XKR9: variants seen among roughly 807,000 people sequenced by gnomAD.
XKR9 encodes XK related 9.
XKR9 carries 32 observed loss-of-function variants against 32.0 expected under a neutral mutation model. The observed-to-expected ratio is 1.00, with a 90% CI of 0.76 to 1.34. The LOEUF is 1.34. Ranked by LOEUF, XKR9 falls within the 40% of genes most tolerant of loss-of-function variation. XKR9 has a pLI of 0.00. For missense variants in XKR9, 546 were observed against 429.7 expected (o/e 1.27, Z -2.39); for synonymous variants, 168 against 143.4 (o/e 1.17, Z -1.22).
the XKR9 span, among the ~76,000 whole-genome samples, chr8:70,804,985 G>A: frequency 1.3e-5 from 2 of 152,316 alleles, no homozygotes; most frequent in South Asian, 2.1e-4. Context: ...GCCAATGGGT[G>A]AGGCCAAGAT....
At chr8:70,909,033 C>T in the XKR9 span, among the ~76,000 whole-genome samples, 1 of 152,148 alleles carries the variant, frequency 6.6e-6, no homozygotes, top group Non-Finnish European at 1.5e-5. Context: ...CAAATCCCTA[C>T]CACCATTTCC....
At chr8:70,780,778 TC>T (rs1199222476) in intron 2 of XKR9, 1 of 152,204 alleles carries the variant, frequency 6.6e-6, no homozygotes, top group African/African-American at 2.4e-5. Flanking sequence ...TTTATGTTTG[TC>T]TTTTTAAGGA....
chr8:70,810,816 CTT>C, the XKR9 span, among the ~76,000 whole-genome samples: 1 of 152,176 alleles, frequency 6.6e-6, no homozygotes, highest in Non-Finnish European at 1.5e-5. Context: ...TACAAAGAGA[CTT>C]AGACTTCCAC....
At chr8:70,729,499 T>G (rs944982881) in intron 4 of XKR9, among the ~76,000 whole-genome samples, 2 of 152,172 alleles carry the variant, frequency 1.3e-5, no homozygotes, top group African/African-American at 4.8e-5. Context: ...CTCTTTATTC[T>G]AATGTCATAA....
chr8:70,724,175 A>T (rs530368595), intron 4 of XKR9, among the ~76,000 whole-genome samples: 2 of 152,184 alleles, frequency 1.3e-5, no homozygotes, highest in Admixed American at 1.3e-4. Flanking sequence ...GGGCTTCCTC[A>T]ACACTGTCAG....
intron 4 of XKR9, among the ~76,000 whole-genome samples, chr8:70,727,088 A>T (rs1341794687): frequency 6.6e-6 from 1 of 152,172 alleles, no homozygotes; most frequent in African/African-American, 2.4e-5. Flanking sequence ...TTCTTTTGGG[A>T]TGGACTATAT....
the XKR9 span, among the ~76,000 whole-genome samples, chr8:70,801,482 A>G: frequency 1.7e-4 from 26 of 152,226 alleles, no homozygotes; most frequent in African/African-American, 6.0e-4. Context: ...GTTGAGTGAT[A>G]TTTTTAGCAT....
At chr8:71,026,270 A>G in the XKR9 span, among the ~76,000 whole-genome samples, 1 of 152,100 alleles carries the variant, frequency 6.6e-6, no homozygotes, top group African/African-American at 2.4e-5. Context: ...CCTGTTCCTA[A>G]TTTCCTACTT....
At chr8:70,721,011 T>C (rs1248363780) in intron 4 of XKR9, among the ~76,000 whole-genome samples, 2 of 152,218 alleles carry the variant, frequency 1.3e-5, no homozygotes, top group African/African-American at 4.8e-5. Context: ...ATTTGACTTC[T>C]TCCCAGTTTC....
chr8:70,906,101 G>A, the XKR9 span, among the ~76,000 whole-genome samples: 1 of 152,218 alleles, frequency 6.6e-6, no homozygotes, highest in Non-Finnish European at 1.5e-5. Context: ...AAGGCAGTCT[G>A]TCCGTTCTCA....
At chr8:70,937,997 C>CA in the XKR9 span, among the ~76,000 whole-genome samples, 1 of 152,066 alleles carries the variant, frequency 6.6e-6, no homozygotes, top group Non-Finnish European at 1.5e-5. Flanking sequence ...GTTCTATCTT[C>CA]AAGGAGTCTT....
intron 3 of XKR9, among the ~76,000 whole-genome samples, chr8:70,699,257 G>T (rs1327391200): frequency 6.6e-6 from 1 of 152,148 alleles, no homozygotes; most frequent in Admixed American, 6.5e-5. Flanking sequence ...CTCATTAGTT[G>T]ATGCAGTTTC....
chr8:70,804,978 A>C, the XKR9 span, among the ~76,000 whole-genome samples: 3,182 of 152,338 alleles, frequency 0.021, 105 homozygotes, highest in African/African-American at 0.074. Flanking sequence ...GATACTGGCC[A>C]ATGGGTGAGG....
chr8:70,813,220 T>C, the XKR9 span, among the ~76,000 whole-genome samples: 8 of 152,192 alleles, frequency 5.3e-5, no homozygotes, highest in Non-Finnish European at 1.0e-4. Context: ...TAAATGGTGC[T>C]GGGAAAACTG....
downstream of XKR9, among the ~76,000 whole-genome samples, chr8:70,795,334 G>A (rs974809872): frequency 2.0e-5 from 3 of 151,976 alleles, no homozygotes; most frequent in South Asian, 2.1e-4. Context: ...ATAGTACTCC[G>A]TGGTGTATAT....
chr8:70,933,318 C>G, the XKR9 span, among the ~76,000 whole-genome samples: 4 of 152,014 alleles, frequency 2.6e-5, no homozygotes, highest in Non-Finnish European at 5.9e-5. Flanking sequence ...TAGAAGGAAC[C>G]AACAATGATG....
the XKR9 span, among the ~76,000 whole-genome samples, chr8:71,043,717 T>C: frequency 6.6e-6 from 1 of 152,330 alleles, no homozygotes; most frequent in Admixed American, 6.5e-5. Flanking sequence ...AATCTGGCAA[T>C]TGTATAAACT....
At chr8:70,704,448 T>C (rs2132170791) in intron 3 of XKR9, among the ~76,000 whole-genome samples, 1 of 152,314 alleles carries the variant, frequency 6.6e-6, no homozygotes, top group Non-Finnish European at 1.5e-5. Context: ...CAGGTCCTGG[T>C]CTAAGCATTT....
the XKR9 span, among the ~76,000 whole-genome samples, chr8:70,908,038 C>T: frequency 4.6e-4 from 70 of 152,124 alleles, no homozygotes; most frequent in Non-Finnish European, 6.6e-4. Context: ...AAGTTAATCT[C>T]TGGAGTCTTG....
Sources: gnomAD v4.1 joint callset for allele counts (sites outside exome capture counted in the v4.1 genomes callset) on GRCh38, gnomAD v4.1.1 for gene constraint, MANE v1.5 for transcripts, NCBI Gene and HGNC (gene_info 2026-07-23, HGNC 2026-07-21) for gene names.